The following SLC25A26 variants were observed in gnomAD, a reference collection of about 807,000 sequenced individuals.
SLC25A26 encodes the protein mitochondrial S-adenosylmethionine carrier protein.
Under a neutral mutation model 37.8 loss-of-function variants are expected in SLC25A26, and 36 were observed. The observed-to-expected ratio is 0.95, with a 90% CI of 0.73 to 1.26. The LOEUF is 1.26. Among genes scored for constraint, SLC25A26 ranks in the 50% most tolerant of loss-of-function variants. The pLI is 0.00. For synonymous variants in SLC25A26, 129 were observed against 122.5 expected, an observed-to-expected ratio of 1.05 and a Z score of -0.35; for missense variants, 390 against 331.1, an observed-to-expected ratio of 1.18 and a Z score of -1.38.
intron 5 of SLC25A26, among the ~76,000 whole-genome samples, chr3:66,338,396 C>T (rs1309078307): frequency 6.6e-6 from 1 of 151,976 alleles, no homozygotes; most frequent in East Asian, 1.9e-4. Context: ...TACGTTCCCA[C>T]TAGCAAAGTA....
At chr3:66,232,740 C>G (rs1037118235) in intron 1 of SLC25A26, among the ~76,000 whole-genome samples, 1 of 152,208 alleles carries the variant, frequency 6.6e-6, no homozygotes, top group East Asian at 1.9e-4. Flanking sequence ...TCCAGAACCT[C>G]CAGAGCCTGG....
intron 1 of SLC25A26, among the ~76,000 whole-genome samples, chr3:66,175,107 G>GTTTA (rs1201695553): frequency 1.2e-5 from 1 of 80,554 alleles, no homozygotes; most frequent in Non-Finnish European, 2.5e-5. Context: ...ATATGTGTGT[G>GTTTA]TGTATATATA....
At chr3:66,237,841 G>A (rs918000414) in intron 2 of SLC25A26, among the ~76,000 whole-genome samples, 8 of 152,106 alleles carry the variant, frequency 5.3e-5, no homozygotes. Context: ...TTTGTTTTTC[G>A]CAGGATGATT....
chr3:66,291,456 G>A (rs376151639), intron 5 of SLC25A26, among the ~76,000 whole-genome samples: 23 of 152,100 alleles, frequency 1.5e-4, no homozygotes, highest in Admixed American at 3.9e-4. Context: ...ATAAATATGC[G>A]TCTAAAACAC....
In SLC25A26 at chr3:66,371,260, G is replaced by T. The variant is rs751472588; in HGVS notation, c.707+658G>T. The T allele has an allele frequency of 1.1e-5, 17 of 1,548,188 alleles. No homozygotes were observed. In the Admixed American group the frequency reaches 2.2e-4, roughly 20 times the overall value. On this transcript the variant is annotated intron_variant, in intron 9 of 9. Coordinates refer to ENST00000354883, the MANE Select transcript of SLC25A26 (RefSeq NM_001379210.1). Reference sequence around the variant, plus strand: ...AAGCAGTGGCCTCCCTTTGCAGAGGGTCGGTCGGCAGCTGCCTGGACTTCG... The same window carrying T: ...AAGCAGTGGCCTCCCTTTGCAGAGGTTCGGTCGGCAGCTGCCTGGACTTCG...
intron 6 of SLC25A26, among the ~76,000 whole-genome samples, chr3:66,353,949 G>C (rs561104674): frequency 2.4e-4 from 37 of 152,276 alleles, no homozygotes; most frequent in African/African-American, 8.4e-4. Flanking sequence ...TTTGCTAATT[G>C]TTTGAAGGTT....
rs889255826 is a variant in SLC25A26 at position 66,212,346 on chromosome 3, C to T, written c.-353-8396C>T. ...GCCCAAGCTGGCCTCAGACTCCTGG[C>T]TTGAAGTAGTCCTCCCATCTCGGCC... On this transcript the variant is annotated intron_variant, in intron 1 of 10. Coordinates refer to the SLC25A26 transcript ENST00000676754. Among the ~76,000 whole-genome samples, 32 of 152,134 alleles carry T rather than the reference C, an allele frequency of 2.1e-4. No homozygotes were observed. In the East Asian group the frequency reaches 4.8e-3, roughly 23 times the overall value.
At chr3:66,149,935 T>C (rs1345349166) in intron 1 of SLC25A26, among the ~76,000 whole-genome samples, 1 of 152,180 alleles carries the variant, frequency 6.6e-6, no homozygotes, top group African/African-American at 2.4e-5. Flanking sequence ...TCCAAGGTCA[T>C]ATGACAGAGT....
intron 3 of SLC25A26, among the ~76,000 whole-genome samples, chr3:66,257,487 G>C (rs920378806): frequency 2.0e-5 from 3 of 152,136 alleles, no homozygotes; most frequent in Non-Finnish European, 4.4e-5. Context: ...GTTGAGCCCT[G>C]AACCAAAGAT....
At chr3:66,363,233 A>G (rs2076752600) in intron 7 of SLC25A26, among the ~76,000 whole-genome samples, 1 of 152,210 alleles carries the variant, frequency 6.6e-6, no homozygotes, top group South Asian at 2.1e-4. Flanking sequence ...CTCTGTGGGA[A>G]GAGACTTGCT....
rs2107838713 is a variant in SLC25A26 at position 66,369,470 on chromosome 3, T to C, written c.569-8T>C. On this transcript the variant is annotated splice_polypyrimidine_tract_variant and splice_region_variant and intron_variant, in intron 7 of 9. Transcript: ENST00000354883. ...ATCTCACTTGGGTGTTGGGTATTAT[T>C]TGTACAGGTGGATTTGCCGCTGCAG... 1.9e-6 allele frequency: 3 copies of C among 1,599,926 alleles called. No individual in the cohort carries two copies. In the East Asian group the frequency reaches 6.7e-5, roughly 36 times the overall value.
chr3:66,185,683 T>G (rs2070812514), intron 1 of SLC25A26, among the ~76,000 whole-genome samples: 1 of 152,098 alleles, frequency 6.6e-6, no homozygotes, highest in Non-Finnish European at 1.5e-5. Context: ...CTGTCTTGAC[T>G]TTTACCATGT....
intron 6 of SLC25A26, among the ~76,000 whole-genome samples, chr3:66,352,428 GT>G (rs1242977476): frequency 7.9e-6 from 1 of 126,686 alleles, no homozygotes; most frequent in African/African-American, 3.4e-5. Context: ...CTCGTTTTTT[GT>G]TTTTTGTTTT....
At chr3:66,238,708 A>G (rs919151892) in intron 2 of SLC25A26, among the ~76,000 whole-genome samples, 26 of 152,288 alleles carry the variant, frequency 1.7e-4, no homozygotes, top group African/African-American at 5.8e-4. Context: ...AAGCCAGAGA[A>G]AAAATACTAA....
At chr3:66,307,458 G>C (rs1265386735) in intron 5 of SLC25A26, among the ~76,000 whole-genome samples, 2 of 152,156 alleles carry the variant, frequency 1.3e-5, no homozygotes, top group South Asian at 2.1e-4. Flanking sequence ...TAGGTTGCCT[G>C]TTCACTCTGA....
chr3:66,183,177 C>A (rs2070749519), intron 1 of SLC25A26, among the ~76,000 whole-genome samples: 2 of 152,028 alleles, frequency 1.3e-5, no homozygotes, highest in South Asian at 4.2e-4. Context: ...TGACCCTGAA[C>A]CTAATCCTTT....
chr3:66,218,813 A>G (rs1212592347), upstream of SLC25A26, among the ~76,000 whole-genome samples: 18 of 152,342 alleles, frequency 1.2e-4, no homozygotes, highest in African/African-American at 4.3e-4. Flanking sequence ...GCCAATAGCT[A>G]GCACTAATCT....
At chr3:66,300,184 C>A (rs1203688810) in intron 5 of SLC25A26, among the ~76,000 whole-genome samples, 1 of 149,580 alleles carries the variant, frequency 6.7e-6, no homozygotes, top group African/African-American at 2.4e-5. Context: ...CCAAGCTAAT[C>A]AAATTTAATT....
At chr3:66,167,424 A>G (rs1372848367) in intron 1 of SLC25A26, among the ~76,000 whole-genome samples, 7 of 152,182 alleles carry the variant, frequency 4.6e-5, no homozygotes, top group Non-Finnish European at 1.0e-4. Context: ...ATGAGAGAGA[A>G]TAGTAAGAGA....
Sources: gnomAD v4.1 joint callset for allele counts (sites outside exome capture counted in the v4.1 genomes callset) on GRCh38, gnomAD v4.1.1 for gene constraint, MANE v1.5 for transcripts, NCBI Gene and HGNC (gene_info 2026-07-23, HGNC 2026-07-21) for gene names.